GAS2: variants seen among roughly 807,000 people sequenced by gnomAD.
GAS2 encodes growth arrest-specific protein 2.
A neutral mutation model predicts 37.5 loss-of-function variants in GAS2; 20 were observed. The observed-to-expected ratio is 0.53, with a 90% CI of 0.37 to 0.77. The LOEUF (loss-of-function observed/expected upper bound fraction) is 0.77. Ranked by LOEUF, GAS2 falls within the 30% of genes least tolerant of loss-of-function variation. The pLI is 0.00. For missense variants in GAS2, 336 were observed against 373.4 expected (o/e 0.90, Z 0.82); for synonymous variants, 144 against 132.2 (o/e 1.09, Z -0.61).
At chr11:22,628,088 A>T (rs934384487) in intron 1 of GAS2, among the ~76,000 whole-genome samples, 1 of 152,212 alleles carries the variant, frequency 6.6e-6, no homozygotes, top group African/African-American at 2.4e-5. Context: ...AAACTCCTAC[A>T]TATTTCAGAT....
chr11:22,671,088 A>G (rs1849180210), intron 1 of GAS2, among the ~76,000 whole-genome samples: 1 of 152,112 alleles, frequency 6.6e-6, no homozygotes, highest in Admixed American at 6.5e-5. Context: ...AACAAACTAG[A>G]CAGAGTCTTT....
intron 2 of GAS2, among the ~76,000 whole-genome samples, chr11:22,685,020 G>A (rs1218109601): frequency 6.6e-6 from 1 of 152,022 alleles, no homozygotes; most frequent in Admixed American, 6.6e-5. Context: ...ATCTGGCTGG[G>A]TGCACCCTAG....
chr11:22,761,263 G>A (rs1234316583), intron 7 of GAS2, among the ~76,000 whole-genome samples: 1 of 151,990 alleles, frequency 6.6e-6, no homozygotes, highest in Non-Finnish European at 1.5e-5. Flanking sequence ...TTAGGGCTCA[G>A]TTTTTAGTGA....
At chr11:22,668,762 G>A (rs1035387599) in intron 1 of GAS2, among the ~76,000 whole-genome samples, 6 of 152,180 alleles carry the variant, frequency 3.9e-5, no homozygotes, top group Admixed American at 3.3e-4. Flanking sequence ...GGAAAACTAA[G>A]TTACCTTGGT....
chr11:22,634,838 G>C (rs1464323004), intron 1 of GAS2, among the ~76,000 whole-genome samples: 3 of 152,154 alleles, frequency 2.0e-5, no homozygotes. Context: ...AGATTTTCTT[G>C]GTTATAAATG....
chr11:22,665,565 C>G (rs553635182), upstream of GAS2, among the ~76,000 whole-genome samples: 1 of 152,046 alleles, frequency 6.6e-6, no homozygotes, highest in Admixed American at 6.6e-5. Context: ...CTATTTTTCC[C>G]TTCTTTTAGA....
chr11:22,667,832 C>G (rs1311015514), intron 1 of GAS2, among the ~76,000 whole-genome samples: 1 of 152,188 alleles, frequency 6.6e-6, no homozygotes, highest in Non-Finnish European at 1.5e-5. Flanking sequence ...AAATCACAGT[C>G]TTTACCCTCT....
At chr11:22,677,209 C>G (rs1288667954) in intron 2 of GAS2, among the ~76,000 whole-genome samples, 8 of 151,992 alleles carry the variant, frequency 5.3e-5, no homozygotes, top group Admixed American at 5.2e-4. Flanking sequence ...GATCAGAGGG[C>G]TTGGGAAATC....
chr11:22,691,508 T>A (rs1399931776), intron 3 of GAS2, among the ~76,000 whole-genome samples: 1 of 152,184 alleles, frequency 6.6e-6, no homozygotes, highest in Non-Finnish European at 1.5e-5. Context: ...AGGTTTTGTA[T>A]GAAAAAGAAA....
chr11:22,632,334 G>A (rs1390924453), intron 1 of GAS2, among the ~76,000 whole-genome samples: 1 of 152,074 alleles, frequency 6.6e-6, no homozygotes, highest in Non-Finnish European at 1.5e-5. Flanking sequence ...ATACAAAATT[G>A]TTGGCTGATA....
At chr11:22,636,458 C>G (rs1858822622) in intron 1 of GAS2, among the ~76,000 whole-genome samples, 1 of 152,290 alleles carries the variant, frequency 6.6e-6, no homozygotes, top group Non-Finnish European at 1.5e-5. Flanking sequence ...TACCCTCCCA[C>G]ATTGCATAAC....
At chr11:22,645,047 A>G (rs574099136) in intron 1 of GAS2, among the ~76,000 whole-genome samples, 1 of 152,248 alleles carries the variant, frequency 6.6e-6, no homozygotes, top group East Asian at 1.9e-4. Flanking sequence ...GAGCAATATC[A>G]TTGTTACCAG....
At chr11:22,685,402 C>T (rs1448054578) in intron 2 of GAS2, among the ~76,000 whole-genome samples, 1 of 152,116 alleles carries the variant, frequency 6.6e-6, no homozygotes, top group African/African-American at 2.4e-5. Context: ...AACTCTTTCA[C>T]CCAGGATATC....
At chr11:22,630,952 A>G (rs1386585118) in intron 1 of GAS2, among the ~76,000 whole-genome samples, 1 of 152,298 alleles carries the variant, frequency 6.6e-6, no homozygotes, top group Non-Finnish European at 1.5e-5. Flanking sequence ...CATTATCATA[A>G]TATTGATTCT....
chr11:22,794,825 C>T (rs1856349725), intron 7 of GAS2, among the ~76,000 whole-genome samples: 2 of 152,176 alleles, frequency 1.3e-5, no homozygotes, highest in South Asian at 4.2e-4. Flanking sequence ...TGATTTCTGG[C>T]CCCCTACATT....
At chr11:22,690,382 G>A (rs1850183118) in intron 3 of GAS2, among the ~76,000 whole-genome samples, 1 of 152,012 alleles carries the variant, frequency 6.6e-6, no homozygotes, top group African/African-American at 2.4e-5. Context: ...GACATCAATA[G>A]GTCAATTTAA....
chr11:22,783,643 CACTT>C (rs150241612), intron 7 of GAS2, among the ~76,000 whole-genome samples: 4,530 of 152,180 alleles, frequency 0.03, 182 homozygotes, highest in African/African-American at 0.092. Context: ...TTAAGGATCC[CACTT>C]ACTTACTTTT....
chr11:22,662,544 C>A (rs1848926726), upstream of GAS2, among the ~76,000 whole-genome samples: 1 of 152,036 alleles, frequency 6.6e-6, no homozygotes, highest in Admixed American at 6.5e-5. Flanking sequence ...TTGAAATAAA[C>A]ATATTTTACA....
intron 3 of GAS2, among the ~76,000 whole-genome samples, chr11:22,721,181 G>A (rs1315255834): frequency 2.0e-5 from 3 of 152,014 alleles, no homozygotes; most frequent in South Asian, 2.1e-4. Context: ...GAGCACTGAA[G>A]GCACTTACAA....
Sources: allele counts gnomAD v4.1 joint callset (sites outside exome capture counted in the v4.1 genomes callset), GRCh38; gene constraint gnomAD v4.1.1; transcripts MANE v1.5; gene names NCBI Gene and HGNC (gene_info 2026-07-23, HGNC 2026-07-21).